The following DLGAP2 variants were observed in gnomAD, a reference collection of about 807,000 sequenced individuals.
DLGAP2 encodes the protein DLG associated protein 2.
Under a neutral mutation model 100.3 loss-of-function variants are expected in DLGAP2, and 26 were observed. That is an observed-to-expected ratio of 0.26 (90% CI 0.19 to 0.36). DLGAP2 has a LOEUF of 0.36. Ranked by LOEUF, DLGAP2 falls within the 10% of genes least tolerant of loss-of-function variation. The probability of loss-of-function intolerance (pLI) is 1.00; values close to 1 mark genes in which losing one functional copy is unlikely to be tolerated. For missense variants in DLGAP2, 1,858 were observed against 1,453.2 expected (o/e 1.28, Z -4.53); for synonymous variants, 886 against 630.1 (o/e 1.41, Z -6.08).
chr8:1,063,936 C>T (rs1803166159), intron 2 of DLGAP2, among the ~76,000 whole-genome samples: 1 of 152,176 alleles, frequency 6.6e-6, no homozygotes, highest in African/African-American at 2.4e-5. Context: ...TGCTGTTTAG[C>T]AACAAGTGCT....
intron 1 of DLGAP2, among the ~76,000 whole-genome samples, chr8:742,272 C>A (rs917685822): frequency 1.3e-5 from 2 of 152,144 alleles, no homozygotes; most frequent in Non-Finnish European, 2.9e-5. Flanking sequence ...TTAAATCAAC[C>A]ATTTTAAACA....
At position 1,019,009 on chromosome 8, in the gene DLGAP2, C is replaced by T. The variant is rs545769276; in HGVS notation, c.73+111043C>T. The T allele has an allele frequency of 3.9e-5, 6 of 152,252 alleles. No homozygotes were observed. The South Asian group carries it at 6.2e-4, about 16-fold the overall frequency. 9.4% of individuals were successfully genotyped at this position (152,252 alleles called of 1,614,324 possible). A position where few individuals can be genotyped will look rare whatever the true frequency, so the allele number is the denominator to read the frequency against. On this transcript the variant is annotated intron_variant, in intron 2 of 14. Transcript: ENST00000637795. ...GGGCGCTTGTCCACTCGTCTGACAC[C>T]GTGGGGCCATAGGAGGCAGCGACTG... is the stretch of plus-strand genomic sequence containing the variant.
intron 2 of DLGAP2, among the ~76,000 whole-genome samples, chr8:987,088 C>T (rs564517004): frequency 1.1e-4 from 16 of 152,160 alleles, no homozygotes; most frequent in Admixed American, 9.2e-4. Flanking sequence ...ACCAAACTCC[C>T]GTCTTTTTTC....
intron 3 of DLGAP2, among the ~76,000 whole-genome samples, chr8:1,311,345 A>T (rs1231216475): frequency 1.3e-5 from 2 of 152,256 alleles, no homozygotes; most frequent in African/African-American, 4.8e-5. Context: ...GAATTCCACC[A>T]AACAGGTAAA....
intron 6 of DLGAP2, among the ~76,000 whole-genome samples, chr8:1,586,151 G>A (rs145854992): frequency 1.1e-3 from 164 of 152,366 alleles, no homozygotes; most frequent in African/African-American, 3.4e-3. Flanking sequence ...GGCTAAGGCC[G>A]AGGTGTCGGC....
chr8:1,459,274 A>T, intron 3 of DLGAP2, among the ~76,000 whole-genome samples: 1 of 108,696 alleles, frequency 9.2e-6, no homozygotes, highest in East Asian at 3.8e-4. Flanking sequence ...ACATGCATAT[A>T]CCTGAGGTGT....
intron 1 of DLGAP2, among the ~76,000 whole-genome samples, chr8:852,578 A>G (rs111976361): frequency 0.011 from 1,722 of 152,312 alleles, 21 homozygotes; most frequent in South Asian, 0.052. Context: ...AAATGAGCAA[A>G]TCAACATCTC....
chr8:1,112,053 C>T (rs565707310), intron 2 of DLGAP2, among the ~76,000 whole-genome samples: 1 of 152,078 alleles, frequency 6.6e-6, no homozygotes, highest in Non-Finnish European at 1.5e-5. Flanking sequence ...TTTTTCTCCA[C>T]AACCTCACCA....
chr8:1,315,973 CT>C (rs1356833582), intron 3 of DLGAP2, among the ~76,000 whole-genome samples: 3 of 132,750 alleles, frequency 2.3e-5, no homozygotes, highest in Non-Finnish European at 3.3e-5. Flanking sequence ...AACTTCGCAG[CT>C]TTTAAAAATA....
chr8:1,242,009 A>G (rs1798807411), intron 2 of DLGAP2, among the ~76,000 whole-genome samples: 1 of 152,220 alleles, frequency 6.6e-6, no homozygotes, highest in South Asian at 2.1e-4. Flanking sequence ...ACTCCAGGGA[A>G]TGGTACGCAG....
intron 2 of DLGAP2, among the ~76,000 whole-genome samples, chr8:923,080 T>C (rs1798747212): frequency 6.6e-6 from 1 of 152,024 alleles, no homozygotes; most frequent in African/African-American, 2.4e-5. Context: ...AAACCCCGGG[T>C]GGGTGTTCCC....
chr8:919,129 A>G (rs1434270941), intron 2 of DLGAP2, among the ~76,000 whole-genome samples: 1 of 152,178 alleles, frequency 6.6e-6, no homozygotes, highest in African/African-American at 2.4e-5. Context: ...CTATTTTGAG[A>G]GTAAAAAGTA....
rs149388518 is a variant in DLGAP2 at position 857,056 on chromosome 8, G to C, written c.19-50856G>C. 1.1e-4 allele frequency among the ~76,000 whole-genome samples: 17 copies of C among 152,304 alleles called. 1 individual carries two copies. Among genetic ancestry groups the C allele is most frequent in the African/African-American group, 3.8e-4 (16 of 41,566 alleles). On this transcript the variant is annotated intron_variant, in intron 1 of 14. Transcript: ENST00000637795. The stretch of plus-strand genomic sequence containing the variant: ...AATGGAACAGAACAGAGGGTCCAGA[G>C]ACAGACCCACGTAAATACAGCCAGC...
At chr8:1,658,718 T>C (rs146324015) in intron 8 of DLGAP2, among the ~76,000 whole-genome samples, 87 of 152,334 alleles carry the variant, frequency 5.7e-4, no homozygotes, top group Admixed American at 2.0e-3. Context: ...ATTGTGTCTA[T>C]TTGATTCTTC....
chr8:1,601,629 G>A (rs1029214112), intron 6 of DLGAP2, among the ~76,000 whole-genome samples: 5 of 152,212 alleles, frequency 3.3e-5, no homozygotes, highest in South Asian at 2.1e-4. Flanking sequence ...TGAAAACTCC[G>A]TGACAGATGT....
chr8:1,263,825 G>T (rs141005788), intron 3 of DLGAP2, among the ~76,000 whole-genome samples: 1 of 152,132 alleles, frequency 6.6e-6, no homozygotes, highest in Non-Finnish European at 1.5e-5. Context: ...GTCTCTCTGA[G>T]ACCACAGCTC....
At chr8:1,059,974 A>G (rs1803026697) in intron 2 of DLGAP2, among the ~76,000 whole-genome samples, 1 of 152,150 alleles carries the variant, frequency 6.6e-6, no homozygotes, top group Admixed American at 6.5e-5. Flanking sequence ...AGGGCCAGAA[A>G]AATGGTAGCT....
At chr8:1,650,375 T>C (rs1798135028) in intron 8 of DLGAP2, among the ~76,000 whole-genome samples, 1 of 152,234 alleles carries the variant, frequency 6.6e-6, no homozygotes, top group Admixed American at 6.5e-5. Flanking sequence ...TGTCCTATGA[T>C]TCATAAAATA....
chr8:978,832 G>T (rs181321687), intron 2 of DLGAP2, among the ~76,000 whole-genome samples: 1 of 152,174 alleles, frequency 6.6e-6, no homozygotes, highest in South Asian at 2.1e-4. Context: ...GACAAAACCA[G>T]GTTTCTTTAC....
Sources: gnomAD v4.1 joint callset for allele counts (sites outside exome capture counted in the v4.1 genomes callset) on GRCh38, gnomAD v4.1.1 for gene constraint, MANE v1.5 for transcripts, NCBI Gene and HGNC (gene_info 2026-07-23, HGNC 2026-07-21) for gene names.